The following GALNT17 variants were observed in gnomAD, a reference collection of about 807,000 sequenced individuals.
The protein encoded by GALNT17 is UDP-GalNAc:polypeptide N-acetylgalactosaminyltransferase-like 3.
GALNT17 carries 29 observed loss-of-function variants against 63.7 expected under a neutral mutation model. That is an observed-to-expected ratio of 0.46 (90% CI 0.34 to 0.62). GALNT17 has a LOEUF of 0.62. Among genes scored for constraint, GALNT17 ranks in the 20% least tolerant of loss-of-function variants. The pLI is 0.01. For missense variants in GALNT17, 603 were observed against 799.6 expected, an observed-to-expected ratio of 0.75 and a Z score of 2.97; for synonymous variants, 305 against 318.3, an observed-to-expected ratio of 0.96 and a Z score of 0.45.
chr7:71,191,718 G>A (rs1042134797), intron 1 of GALNT17, among the ~76,000 whole-genome samples: 3 of 152,140 alleles, frequency 2.0e-5, no homozygotes, highest in African/African-American at 7.2e-5. Flanking sequence ...TGGCTATTAT[G>A]AAAAGAGCAA....
intron 2 of GALNT17, among the ~76,000 whole-genome samples, chr7:71,360,553 GT>G (rs1563032742): frequency 6.6e-6 from 1 of 152,206 alleles, no homozygotes; most frequent in African/African-American, 2.4e-5. Context: ...AAATGCTTTG[GT>G]TTTACTAAAT....
chr7:71,519,654 A>G (rs1788498091), intron 5 of GALNT17, among the ~76,000 whole-genome samples: 1 of 152,002 alleles, frequency 6.6e-6, no homozygotes, highest in African/African-American at 2.4e-5. Context: ...AGTAGAGATG[A>G]GATTTTACCG....
chr7:71,366,791 A>G (rs1009296857), intron 2 of GALNT17, among the ~76,000 whole-genome samples: 1 of 152,162 alleles, frequency 6.6e-6, no homozygotes, highest in African/African-American at 2.4e-5. Flanking sequence ...CCAACAGTAC[A>G]TGAGTGGCCT....
intron 2 of GALNT17, among the ~76,000 whole-genome samples, chr7:71,373,526 A>G (rs1253280707): frequency 6.6e-6 from 1 of 152,154 alleles, no homozygotes; most frequent in Non-Finnish European, 1.5e-5. Context: ...AACTGGGCCG[A>G]ACAGCAGGAG....
At chr7:71,222,748 CT>C in intron 1 of GALNT17, among the ~76,000 whole-genome samples, 1 of 152,238 alleles carries the variant, frequency 6.6e-6, no homozygotes, top group East Asian at 1.9e-4. Flanking sequence ...TGTCTTACTA[CT>C]GGTGACGTTG....
chr7:71,609,817 TTAA>T (rs1790098704), intron 6 of GALNT17, among the ~76,000 whole-genome samples: 1 of 152,178 alleles, frequency 6.6e-6, no homozygotes, highest in Admixed American at 6.5e-5. Context: ...TAAGTTATTA[TTAA>T]TAACTATCTA....
At chr7:71,659,480 A>G (rs1423383511) in intron 6 of GALNT17, among the ~76,000 whole-genome samples, 1 of 152,200 alleles carries the variant, frequency 6.6e-6, no homozygotes, top group Non-Finnish European at 1.5e-5. Flanking sequence ...GTCTTCAGCC[A>G]TGATATCTGG....
chr7:71,444,151 C>T (rs989738302), intron 5 of GALNT17, among the ~76,000 whole-genome samples: 1 of 152,226 alleles, frequency 6.6e-6, no homozygotes, highest in Admixed American at 6.5e-5. Flanking sequence ...TGCCATGGGC[C>T]TAACTTGGGA....
chr7:71,408,029 T>A (rs1793360396), intron 3 of GALNT17, among the ~76,000 whole-genome samples: 1 of 152,084 alleles, frequency 6.6e-6, no homozygotes, highest in African/African-American at 2.4e-5. Flanking sequence ...GCCAGTGAAT[T>A]GTATATTGTA....
At chr7:71,143,167 A>T (rs1787948343) in intron 1 of GALNT17, among the ~76,000 whole-genome samples, 1 of 152,012 alleles carries the variant, frequency 6.6e-6, no homozygotes. Flanking sequence ...CACGCCTGTA[A>T]TCCCAGCACT....
chr7:71,168,929 T>C (rs185385115), intron 1 of GALNT17, among the ~76,000 whole-genome samples: 109 of 152,298 alleles, frequency 7.2e-4, no homozygotes, highest in Non-Finnish European at 5.1e-4. Context: ...ATTGCTGACA[T>C]TTTGTTTAGA....
intron 6 of GALNT17, among the ~76,000 whole-genome samples, chr7:71,575,004 G>A (rs1022675065): frequency 6.6e-6 from 1 of 152,088 alleles, no homozygotes; most frequent in African/African-American, 2.4e-5. Flanking sequence ...AGTCCTGTAG[G>A]CACCAACATC....
rs34121771 is a variant in GALNT17, at chr7:71,141,840, C to CTGTGTGTGTGTG, written c.238+8828_238+8839dup. 1.4e-3 allele frequency among the ~76,000 whole-genome samples: 180 copies of CTGTGTGTGTGTG among 125,096 alleles called. 2 individuals carry two copies. The highest frequency in any genetic ancestry group is 6.1e-3 in the South Asian group (22 of 3,612). The allele number at this position is 125,096 out of a possible 152,430, so 82.1% of individuals were successfully genotyped here. On this transcript the variant is annotated intron_variant, in intron 1 of 10. Transcript: ENST00000333538. The stretch of plus-strand genomic sequence containing the variant: ...TACAGGTATGCGCCACCACGTCTGG[C>CTGTGTGTGTGTG]TGTGTGTGTGTGTGTGTGTGTGTGT...
At chr7:71,160,217 A>AT (rs1299620424) in intron 1 of GALNT17, among the ~76,000 whole-genome samples, 1 of 152,174 alleles carries the variant, frequency 6.6e-6, no homozygotes, top group African/African-American at 2.4e-5. Flanking sequence ...TCCTGTCAAC[A>AT]TTTTTATATC....
chr7:71,535,029 G>A (rs566866621), intron 5 of GALNT17, among the ~76,000 whole-genome samples: 4 of 152,118 alleles, frequency 2.6e-5, no homozygotes, highest in African/African-American at 4.8e-5. Context: ...TACAACCCTC[G>A]TCCCCCAAAG....
chr7:71,493,012 G>A (rs1788035619), intron 5 of GALNT17, among the ~76,000 whole-genome samples: 1 of 152,156 alleles, frequency 6.6e-6, no homozygotes, highest in Admixed American at 6.5e-5. Context: ...CTAAAATAAA[G>A]AACTATTTTA....
At chr7:71,453,883 C>A (rs1009735822) in intron 5 of GALNT17, among the ~76,000 whole-genome samples, 5 of 106,900 alleles carry the variant, frequency 4.7e-5, no homozygotes, top group Non-Finnish European at 1.3e-4. Flanking sequence ...TCAGCAGACA[C>A]TCCTTTTGGT....
intron 1 of GALNT17, among the ~76,000 whole-genome samples, chr7:71,150,197 A>G (rs956167857): frequency 1.3e-5 from 2 of 152,150 alleles, no homozygotes; most frequent in African/African-American, 2.4e-5. Context: ...AGTTCCTGGA[A>G]GGGAAAGAAC....
At chr7:71,637,365 A>T (rs1790542003) in intron 6 of GALNT17, among the ~76,000 whole-genome samples, 1 of 151,860 alleles carries the variant, frequency 6.6e-6, no homozygotes, top group Non-Finnish European at 1.5e-5. Flanking sequence ...TTTGTATTTT[A>T]GTAGAGACAG....
Sources: allele counts gnomAD v4.1 joint callset (sites outside exome capture counted in the v4.1 genomes callset), GRCh38; gene constraint gnomAD v4.1.1; transcripts MANE v1.5; gene names NCBI Gene and HGNC (gene_info 2026-07-23, HGNC 2026-07-21).